BBS9: variants seen among roughly 807,000 people sequenced by gnomAD.
The protein encoded by BBS9 is protein PTHB1.
BBS9 carries 89 observed loss-of-function variants against 117.7 expected under a neutral mutation model. The observed-to-expected ratio is 0.76, with a 90% confidence interval of 0.64 to 0.90. The LOEUF (loss-of-function observed/expected upper bound fraction) is 0.90, where lower values mean the gene tolerates loss of function less well. Ranked by LOEUF, BBS9 falls within the 40% of genes least tolerant of loss-of-function variation. The pLI is 0.00. For missense variants in BBS9, 982 were observed against 1,042.2 expected (o/e 0.94, Z 0.80); for synonymous variants, 379 against 370.9 (o/e 1.02, Z -0.25).
intron 9 of BBS9, among the ~76,000 whole-genome samples, chr7:33,322,300 T>G (rs912548379): frequency 4.6e-5 from 7 of 151,864 alleles, no homozygotes; most frequent in Admixed American, 2.0e-4. Flanking sequence ...AGAATTGGTG[T>G]TAGTTTTTAA....
intron 19 of BBS9, among the ~76,000 whole-genome samples, chr7:33,409,607 A>G (rs1034727392): frequency 6.6e-5 from 10 of 151,938 alleles, no homozygotes; most frequent in African/African-American, 2.2e-4. Context: ...AGGTTGCCCT[A>G]TTTTATTTTT....
At chr7:33,598,965 C>G (rs1863372499) in intron 21 of BBS9, among the ~76,000 whole-genome samples, 1 of 152,190 alleles carries the variant, frequency 6.6e-6, no homozygotes, top group South Asian at 2.1e-4. Context: ...GGAACACAGC[C>G]AGTGCTCATT....
At position 33,606,052 on chromosome 7, in the gene BBS9, A is replaced by C. The variant is rs143579015; in HGVS notation, c.*826A>C. Reference sequence around the variant, plus strand: ...GTGAGATTGATTTATTTAAATAAAAATATGCCTTTGCCAGTTTTGGAATGC... The same window carrying C: ...GTGAGATTGATTTATTTAAATAAAACTATGCCTTTGCCAGTTTTGGAATGC... On this transcript the variant is annotated 3_prime_UTR_variant, in exon 23 of 23. Coordinates refer to ENST00000242067, the MANE Select transcript of BBS9 (RefSeq NM_198428.3). 326 of 152,298 alleles carry C rather than the reference A, an allele frequency of 2.1e-3. 1 individual carries two copies. Among genetic ancestry groups the C allele is most frequent in the African/African-American group, 7.5e-3 (312 of 41,582 alleles). 9.4% of individuals were successfully genotyped at this position (152,298 alleles called of 1,614,324 possible).
At chr7:33,193,238 T>C (rs1039438263) in intron 5 of BBS9, among the ~76,000 whole-genome samples, 2 of 152,196 alleles carry the variant, frequency 1.3e-5, no homozygotes, top group Non-Finnish European at 2.9e-5. Context: ...GGTTCTTTTT[T>C]TTGTTGTTTT....
chr7:33,526,061 A>G (rs1849445828), intron 20 of BBS9, among the ~76,000 whole-genome samples: 1 of 151,570 alleles, frequency 6.6e-6, no homozygotes, highest in African/African-American at 2.4e-5. Context: ...TTCTTTAAGA[A>G]TGTTGAATAT....
chr7:33,568,276 A>G (rs1455921233), intron 21 of BBS9, among the ~76,000 whole-genome samples: 6 of 151,498 alleles, frequency 4.0e-5, no homozygotes, highest in Non-Finnish European at 4.4e-5. Flanking sequence ...CTCCCTTACC[A>G]CTTTTGCTTG....
At position 33,257,238 on chromosome 7, in the gene BBS9, C is replaced by G; in HGVS notation, c.445C>G (p.Arg149Gly). Residue 149 changes from arginine (R) to glycine (G), a missense_variant and splice_region_variant, in exon 6 of 23, where the codon CGA (arginine) becomes GGA (glycine). Physicochemically the swap from Arg to Gly is moderately radical, Grantham distance 125. Coordinates refer to ENST00000242067, the MANE Select transcript of BBS9 (RefSeq NM_198428.3). ...TYGSFGGVKG[R>G]DLICIQSMDG... ...AATTTTCTCTAATTCTTCTTTAGGT[C>G]GAGATTTAATTTGCATCCAGTCTAT... 1 of 1,604,708 alleles carries G rather than the reference C, an allele frequency of 6.2e-7. No homozygotes were observed. Among genetic ancestry groups the G allele is most frequent in the Non-Finnish European group, 8.5e-7 (1 of 1,173,074 alleles).
intron 5 of BBS9, among the ~76,000 whole-genome samples, chr7:33,218,281 TCA>T (rs1195303455): frequency 1.3e-5 from 2 of 152,244 alleles, no homozygotes; most frequent in Non-Finnish European, 2.9e-5. Flanking sequence ...GAAAAAAATT[TCA>T]AATTCAGGGA....
intron 9 of BBS9, among the ~76,000 whole-genome samples, chr7:33,327,979 G>A (rs974280518): frequency 6.6e-6 from 1 of 152,096 alleles, no homozygotes; most frequent in Non-Finnish European, 1.5e-5. Context: ...GAACTCATGG[G>A]TAGCCATGTT....
At chr7:33,355,131 T>C (rs544253488) in intron 15 of BBS9, among the ~76,000 whole-genome samples, 1 of 152,134 alleles carries the variant, frequency 6.6e-6, no homozygotes, top group East Asian at 1.9e-4. Flanking sequence ...TTGAAAGCTG[T>C]TCTGCTAGCA....
At chr7:33,394,606 T>C (rs1048663008) in intron 19 of BBS9, among the ~76,000 whole-genome samples, 1 of 152,178 alleles carries the variant, frequency 6.6e-6, no homozygotes, top group Admixed American at 6.5e-5. Context: ...TTGAAAGAAT[T>C]TTCATCTTTA....
rs146286001 is a variant in BBS9 at position 33,270,231 on chromosome 7, C to T, written c.703-2781C>T. ...CTGACTATACTCAATTTACACCTCACGAAAAGGAATACTCATGCACACAGA... is the reference window on the plus strand; with the variant it reads ...CTGACTATACTCAATTTACACCTCATGAAAAGGAATACTCATGCACACAGA... On this transcript the variant is annotated intron_variant, in intron 7 of 22. Transcript: ENST00000242067. Among the ~76,000 whole-genome samples the T allele has an allele frequency of 3.6e-4, 54 of 152,090 alleles. No homozygotes were observed. The East Asian group carries it at 8.3e-3, about 23-fold the overall frequency.
chr7:33,210,431 A>G (rs923500874), intron 5 of BBS9, among the ~76,000 whole-genome samples: 1 of 152,192 alleles, frequency 6.6e-6, no homozygotes, highest in African/African-American at 2.4e-5. Flanking sequence ...TAAATCCAAT[A>G]TTTCTTGTTG....
At chr7:33,244,150 A>G (rs1456982455) in intron 5 of BBS9, among the ~76,000 whole-genome samples, 1 of 152,180 alleles carries the variant, frequency 6.6e-6, no homozygotes, top group Non-Finnish European at 1.5e-5. Flanking sequence ...GAATTGCCTG[A>G]ACCCGGGAGG....
intron 5 of BBS9, among the ~76,000 whole-genome samples, chr7:33,226,649 A>G (rs368108672): frequency 7.3e-4 from 111 of 152,336 alleles, no homozygotes; most frequent in East Asian, 5.6e-3. Context: ...CAAGTGTTCA[A>G]TGGATAAGTG....
intron 19 of BBS9, among the ~76,000 whole-genome samples, chr7:33,448,972 A>T (rs1354515683): frequency 6.6e-6 from 1 of 152,366 alleles, no homozygotes; most frequent in East Asian, 1.9e-4. Flanking sequence ...TTTTGCAGTT[A>T]AACTCAAACT....
intron 19 of BBS9, among the ~76,000 whole-genome samples, chr7:33,435,758 C>T (rs1301111601): frequency 6.6e-6 from 1 of 151,872 alleles, no homozygotes; most frequent in Non-Finnish European, 1.5e-5. Flanking sequence ...GATATATTTT[C>T]CGTAAAGGCC....
intron 21 of BBS9, among the ~76,000 whole-genome samples, chr7:33,599,415 C>T (rs908972746): frequency 2.6e-5 from 4 of 152,070 alleles, no homozygotes; most frequent in Non-Finnish European, 5.9e-5. Flanking sequence ...CTGACTTTGG[C>T]CTGAAAATAG....
At chr7:33,302,276 A>C (rs1806633796) in intron 9 of BBS9, among the ~76,000 whole-genome samples, 1 of 151,782 alleles carries the variant, frequency 6.6e-6, no homozygotes, top group Admixed American at 6.6e-5. Context: ...AAGCTTTTTA[A>C]CTTGATGTGA....
Sources: allele counts gnomAD v4.1 joint callset (sites outside exome capture counted in the v4.1 genomes callset), GRCh38; gene constraint gnomAD v4.1.1; transcripts MANE v1.5; gene names NCBI Gene and HGNC (gene_info 2026-07-23, HGNC 2026-07-21).